Variants in COL27A1 observed in about 807,000 individuals in gnomAD.
COL27A1 encodes collagen alpha-1(XXVII) chain.
A neutral mutation model predicts 251.3 loss-of-function variants in COL27A1; 106 were observed. The ratio of observed to expected loss-of-function variants is 0.42; its 90% CI spans 0.36 to 0.50. COL27A1 has a LOEUF of 0.50. Among genes scored for constraint, COL27A1 ranks in the 20% least tolerant of loss-of-function variants. The pLI is 0.00. For synonymous variants in COL27A1, 1,000 were observed against 986.3 expected (o/e 1.01, Z -0.26); for missense variants, 2,325 against 2,522.8 (o/e 0.92, Z 1.68).
Position 114,264,941 on chromosome 9 carries a change from G to T in COL27A1, c.3267G>T (p.Gln1089His). Residue 1089 changes from glutamine to histidine, a missense_variant, in exon 30 of 61, where the codon CAG becomes CAT. Gln to His is a conservative substitution (Grantham distance 24). Around this residue, in one of 4 missense-constraint regions of COL27A1, gnomAD observed 662 missense variants for 795.3 expected, o/e 0.83. Transcript: ENST00000356083. ...SRGLKGPPGPQGRPGRPGQQG... is the reference protein window; with the variant it reads ...SRGLKGPPGPHGRPGRPGQQG... ...TCCCACAGGGCCCTCCAGGACCCCA[G>T]GGCAGACCGGGCCGGCCTGGACAGC... The T allele has an allele frequency of 6.2e-7, 1 of 1,613,298 alleles. No homozygotes were observed. Among genetic ancestry groups the T allele is most frequent in the African/African-American group, 1.3e-5 (1 of 75,032 alleles).
rs1565502 is a variant in COL27A1 at position 114,283,890 on chromosome 9, G to A, written c.3933+128G>A. On this transcript the variant is annotated intron_variant, in intron 40 of 60. Transcript: ENST00000356083. ...ACCCCTGGAATACTGAAGATGTGGG[G>A]TCTCACCTGCCCCAGGGAGCGCTGG... The A allele has an allele frequency of 0.24, 224,588 of 931,320 alleles. 29,675 individuals are homozygous for A. Among genetic ancestry groups the A allele is most frequent in the East Asian group, 0.34 (13,190 of 39,014 alleles). The allele number at this position is 931,320 out of a possible 1,614,324, so 57.7% of individuals were successfully genotyped here.
At chr9:114,201,907 A>G (rs1281580737) in intron 7 of COL27A1, among the ~76,000 whole-genome samples, 1 of 152,150 alleles carries the variant, frequency 6.6e-6, no homozygotes, top group Admixed American at 6.5e-5. Flanking sequence ...TTTGATGGCT[A>G]AGGATGCGGG....
intron 12 of COL27A1, among the ~76,000 whole-genome samples, chr9:114,216,866 A>G (rs1830745688): frequency 6.6e-6 from 1 of 152,028 alleles, no homozygotes; most frequent in Admixed American, 6.5e-5. Flanking sequence ...CTTTTTGCAC[A>G]TTAGCTCAGG....
At chr9:114,307,295 TC>T in intron 58 of COL27A1, 1 of 189,030 alleles carries the variant, frequency 5.3e-6, no homozygotes, top group Non-Finnish European at 1.1e-5. Flanking sequence ...ACTCCTACCC[TC>T]CCCCGGCAGG....
At chr9:114,156,326 G>A (rs1382210623) in intron 1 of COL27A1, among the ~76,000 whole-genome samples, 3 of 151,510 alleles carry the variant, frequency 2.0e-5, no homozygotes, top group Non-Finnish European at 4.4e-5. Context: ...TGCGGAGGGG[G>A]GCTTTTTGGA....
At chr9:114,245,643 C>T (rs1421754269) in intron 23 of COL27A1, among the ~76,000 whole-genome samples, 1 of 152,218 alleles carries the variant, frequency 6.6e-6, no homozygotes, top group East Asian at 1.9e-4. Flanking sequence ...CCAAGGCCCC[C>T]TCAGAGGGAA....
intron 3 of COL27A1, among the ~76,000 whole-genome samples, chr9:114,174,983 G>A (rs1236701537): frequency 7.5e-5 from 1 of 13,412 alleles, no homozygotes. Context: ...GTAGGTAGCA[G>A]CACACCTAGG....
At position 114,194,401 on chromosome 9, in the gene COL27A1, C is replaced by A; in HGVS notation, c.2017-3C>A. The stretch of plus-strand genomic sequence containing the variant: ...GGCCAAAGTGGAATTGTTTTTGTTT[C>A]AGGGACAGAAAGGGGACCCAGGGCT... On this transcript the variant is annotated splice_polypyrimidine_tract_variant and splice_region_variant and intron_variant, in intron 5 of 60. Coordinates refer to ENST00000356083, the MANE Select transcript of COL27A1 (RefSeq NM_032888.4). 5 of 1,613,218 alleles carry A rather than the reference C, an allele frequency of 3.1e-6. No homozygotes were observed. Among genetic ancestry groups the A allele is most frequent in the Non-Finnish European group, 4.2e-6 (5 of 1,179,610 alleles).
chr9:114,165,849 TCC>T (rs1848802213), intron 2 of COL27A1, among the ~76,000 whole-genome samples: 1 of 150,512 alleles, frequency 6.6e-6, no homozygotes, highest in Admixed American at 6.6e-5. Flanking sequence ...CATCCATCCA[TCC>T]ATCCATCCAT....
intron 12 of COL27A1, among the ~76,000 whole-genome samples, chr9:114,214,285 C>T (rs1830568017): frequency 6.6e-6 from 1 of 152,164 alleles, no homozygotes; most frequent in Non-Finnish European, 1.5e-5. Context: ...CAGACAGTTT[C>T]TAGGCACTTA....
Position 114,222,261 on chromosome 9 carries a change from C to T in COL27A1, c.2460C>T (p.Gly820=). Residue 820 remains glycine, a synonymous_variant, in exon 14 of 61, where the codon GGC becomes GGT. Transcript: ENST00000356083. ...TGCCAGGCCCCCCTGGAGTCCCCGG[C>T]CTCATTGTAAGTACATTGATGCCTG... is the stretch of plus-strand genomic sequence containing the variant. The part of the protein sequence containing the change: ...LGLPGPPGVP[G]LIGDLGVLGP... 2 of 1,613,578 alleles carry T rather than the reference C, an allele frequency of 1.2e-6. No homozygotes were observed. The highest frequency in any genetic ancestry group is 2.2e-5 in the South Asian group (2 of 91,036).
At chr9:114,267,108 C>T (rs1834801512) in intron 33 of COL27A1, among the ~76,000 whole-genome samples, 2 of 152,224 alleles carry the variant, frequency 1.3e-5, no homozygotes, top group Admixed American at 1.3e-4. Context: ...CTGCTTCCCA[C>T]CCGCCTCACG....
chr9:114,226,136 A>C (rs542761981), intron 14 of COL27A1, among the ~76,000 whole-genome samples: 1 of 152,296 alleles, frequency 6.6e-6, no homozygotes, highest in East Asian at 1.9e-4. Flanking sequence ...TTTTATTCAG[A>C]GTGACACAGA....
intron 21 of COL27A1, among the ~76,000 whole-genome samples, chr9:114,241,932 C>G (rs1832784224): frequency 6.6e-6 from 1 of 152,208 alleles, no homozygotes; most frequent in Admixed American, 6.5e-5. Context: ...CGGGGTTTAA[C>G]TCTCATGCCC....
At chr9:114,264,035 C>A (rs1408449869) in intron 28 of COL27A1, among the ~76,000 whole-genome samples, 1 of 152,232 alleles carries the variant, frequency 6.6e-6, no homozygotes, top group African/African-American at 2.4e-5. Context: ...CAATTGCGGC[C>A]CTCAGTCTCC....
At chr9:114,197,235 C>T (rs373762966) in intron 7 of COL27A1, among the ~76,000 whole-genome samples, 100 of 152,296 alleles carry the variant, frequency 6.6e-4, no homozygotes, top group African/African-American at 2.2e-3. Flanking sequence ...CCATCTGGCT[C>T]TCATCTGGAC....
At chr9:114,297,256 C>T (rs896321535) in intron 49 of COL27A1, among the ~76,000 whole-genome samples, 2 of 152,062 alleles carry the variant, frequency 1.3e-5, no homozygotes, top group African/African-American at 4.8e-5. Flanking sequence ...CTTCTTTGCA[C>T]CTGATGGGTG....
chr9:114,261,006 G>A (rs1028679696), intron 28 of COL27A1, among the ~76,000 whole-genome samples: 4 of 152,130 alleles, frequency 2.6e-5, no homozygotes, highest in Admixed American at 6.5e-5. Context: ...TTAGACCTTG[G>A]GCCACTGATT....
intron 27 of COL27A1, among the ~76,000 whole-genome samples, chr9:114,257,314 G>C (rs980317431): frequency 6.6e-6 from 1 of 151,400 alleles, no homozygotes; most frequent in Non-Finnish European, 1.5e-5. Context: ...CTGGCTGGCC[G>C]GTGGATGAAG....
Sources: gnomAD v4.1 joint callset for allele counts (sites outside exome capture counted in the v4.1 genomes callset) on GRCh38, gnomAD v4.1.1 for gene constraint, gnomAD v4.1.1 regional missense constraint, MANE v1.5 for transcripts, NCBI Gene and HGNC (gene_info 2026-07-23, HGNC 2026-07-21) for gene names.